Variants in SPOCK3 observed in about 807,000 individuals in gnomAD.
SPOCK3 encodes testican-3.
In SPOCK3, 30 loss-of-function variants were observed where a neutral mutation model predicts 56.6. The ratio of observed to expected loss-of-function variants is 0.53; its 90% CI spans 0.40 to 0.72. The LOEUF (loss-of-function observed/expected upper bound fraction) is 0.72. Among genes scored for constraint, SPOCK3 ranks in the 30% least tolerant of loss-of-function variants. SPOCK3 has a pLI of 0.00. For synonymous variants in SPOCK3, 196 were observed against 183.3 expected, an observed-to-expected ratio of 1.07 and a Z score of -0.56; for missense variants, 527 against 530.0, an observed-to-expected ratio of 0.99 and a Z score of 0.06.
intron 4 of SPOCK3, among the ~76,000 whole-genome samples, chr4:166,941,180 C>T (rs1741018232): frequency 6.6e-6 from 1 of 150,748 alleles, no homozygotes; most frequent in Admixed American, 6.6e-5. Flanking sequence ...CAATTTATGC[C>T]TCCCAAGAAT....
At chr4:167,212,352 C>T (rs1734957887) in intron 2 of SPOCK3, among the ~76,000 whole-genome samples, 1 of 151,866 alleles carries the variant, frequency 6.6e-6, no homozygotes, top group Non-Finnish European at 1.5e-5. Flanking sequence ...AGAGAATTTC[C>T]TGTCTCAGTC....
intron 6 of SPOCK3, among the ~76,000 whole-genome samples, chr4:166,812,817 T>C (rs1743975398): frequency 1.3e-5 from 2 of 152,024 alleles, no homozygotes; most frequent in Admixed American, 1.3e-4. Context: ...TACACACATA[T>C]ACTCACACAT....
chr4:166,744,200 TC>T (rs1295467968), intron 8 of SPOCK3, among the ~76,000 whole-genome samples: 1 of 152,052 alleles, frequency 6.6e-6, no homozygotes, highest in Admixed American at 6.6e-5. Context: ...GGGAGATACC[TC>T]CCAATAGGGG....
chr4:166,868,338 C>A (rs1732084397), intron 6 of SPOCK3, among the ~76,000 whole-genome samples: 1 of 149,756 alleles, frequency 6.7e-6, no homozygotes, highest in Non-Finnish European at 1.5e-5. Context: ...CACAGGCCTG[C>A]AACTGTAGCT....
intron 6 of SPOCK3, among the ~76,000 whole-genome samples, 174 bp from the exon 7 acceptor site, chr4:166,792,463 A>G (rs563597907): frequency 1.3e-5 from 2 of 152,366 alleles, no homozygotes; most frequent in East Asian, 3.9e-4. Context: ...GTAATATGAC[A>G]AAAACATTTT....
chr4:166,970,775 T>C (rs372031616), intron 4 of SPOCK3, among the ~76,000 whole-genome samples: 2 of 151,114 alleles, frequency 1.3e-5, no homozygotes, highest in East Asian at 1.9e-4. Context: ...TGATCACTTA[T>C]AGTGTATCAT....
chr4:167,233,581 A>G (rs1177476977), intron 2 of SPOCK3, among the ~76,000 whole-genome samples: 1 of 152,258 alleles, frequency 6.6e-6, no homozygotes, highest in East Asian at 1.9e-4. Flanking sequence ...TTAATGGACC[A>G]TTAGTGACAG....
At chr4:166,774,073 C>G (rs533058403) in intron 7 of SPOCK3, among the ~76,000 whole-genome samples, 1 of 152,256 alleles carries the variant, frequency 6.6e-6, no homozygotes, top group African/African-American at 2.4e-5. Flanking sequence ...TGCAAAATGT[C>G]TAATGTTATA....
At chr4:167,048,952 A>C (rs1402501546) in intron 3 of SPOCK3, among the ~76,000 whole-genome samples, 1 of 152,192 alleles carries the variant, frequency 6.6e-6, no homozygotes, top group Non-Finnish European at 1.5e-5. Context: ...TAAAAAGATA[A>C]TTTATCTAGT....
At chr4:166,819,691 G>A (rs1410148372) in intron 6 of SPOCK3, among the ~76,000 whole-genome samples, 1 of 151,038 alleles carries the variant, frequency 6.6e-6, no homozygotes, top group Non-Finnish European at 1.5e-5. Context: ...AAAAGTTGCT[G>A]TAAGAAATTA....
intron 4 of SPOCK3, among the ~76,000 whole-genome samples, chr4:166,949,912 C>A (rs1222073532): frequency 6.6e-6 from 1 of 151,212 alleles, no homozygotes; most frequent in South Asian, 2.1e-4. Context: ...ACCAGGCCTG[C>A]CCTAAAAGAG....
intron 4 of SPOCK3, among the ~76,000 whole-genome samples, chr4:166,952,413 A>G (rs974228188): frequency 1.3e-5 from 2 of 152,112 alleles, no homozygotes; most frequent in African/African-American, 4.8e-5. Flanking sequence ...ACTACAAACC[A>G]CTGCTCAAGG....
intron 5 of SPOCK3, among the ~76,000 whole-genome samples, chr4:166,898,956 A>G (rs561333544): frequency 6.6e-4 from 101 of 152,208 alleles, no homozygotes; most frequent in African/African-American, 2.3e-3. Context: ...GGTGGGCATC[A>G]TCCTATTGGT....
intron 2 of SPOCK3, among the ~76,000 whole-genome samples, chr4:167,157,104 T>C (rs1347662967): frequency 6.6e-6 from 1 of 151,980 alleles, no homozygotes; most frequent in Non-Finnish European, 1.5e-5. Flanking sequence ...TCAAAACCTA[T>C]GGTTTTGCCC....
chr4:166,850,986 T>C (rs1372114400), intron 6 of SPOCK3, among the ~76,000 whole-genome samples: 1 of 152,238 alleles, frequency 6.6e-6, no homozygotes, highest in Admixed American at 6.5e-5. Context: ...GAGGCCTGCC[T>C]GCCTCTGTAG....
At chr4:166,911,244 T>G (rs1331753296) in intron 5 of SPOCK3, among the ~76,000 whole-genome samples, 1 of 32,028 alleles carries the variant, frequency 3.1e-5, no homozygotes, top group East Asian at 9.5e-4. Context: ...TGGCACCTAG[T>G]GTGTACTATG....
chr4:166,950,762 G>A (rs1219095363), intron 4 of SPOCK3, among the ~76,000 whole-genome samples: 1 of 150,024 alleles, frequency 6.7e-6, no homozygotes, highest in Non-Finnish European at 1.5e-5. Flanking sequence ...AATCAAACTA[G>A]AACTCAGAAT....
intron 4 of SPOCK3, among the ~76,000 whole-genome samples, chr4:166,939,249 G>A (rs917315785): frequency 1.3e-5 from 2 of 152,044 alleles, no homozygotes; most frequent in Admixed American, 1.3e-4. Flanking sequence ...CTTACTTGGA[G>A]AATGCAGTTA....
At chr4:166,745,615 T>G (rs10007269) in intron 8 of SPOCK3, among the ~76,000 whole-genome samples, 5 of 151,646 alleles carry the variant, frequency 3.3e-5, no homozygotes, top group African/African-American at 1.2e-4. Flanking sequence ...ATCATAACGA[T>G]AGGATCAAAT....
Sources: allele counts gnomAD v4.1 joint callset (sites outside exome capture counted in the v4.1 genomes callset), GRCh38; gene constraint gnomAD v4.1.1; transcripts MANE v1.5; gene names NCBI Gene and HGNC (gene_info 2026-07-23, HGNC 2026-07-21).